The following PLXNA4 variants were observed in gnomAD, a reference collection of about 807,000 sequenced individuals.
PLXNA4 encodes plexin A4.
In PLXNA4, 44 loss-of-function variants were observed where a neutral mutation model predicts 191.8. The ratio of observed to expected loss-of-function variants is 0.23; its 90% CI spans 0.18 to 0.29. The LOEUF (loss-of-function observed/expected upper bound fraction) is 0.29, where lower values mean the gene tolerates loss of function less well. Among genes scored for constraint, PLXNA4 ranks in the 10% least tolerant of loss-of-function variants. The pLI, the probability that PLXNA4 is intolerant of heterozygous loss-of-function variation, is 1.00. For missense variants in PLXNA4, 1,800 were observed against 2,488.8 expected (o/e 0.72, Z 5.89); for synonymous variants, 1,082 against 1,009.5 (o/e 1.07, Z -1.36).
At chr7:132,152,761 T>C (rs919302900) in intron 25 of PLXNA4, among the ~76,000 whole-genome samples, 3 of 152,176 alleles carry the variant, frequency 2.0e-5, no homozygotes, top group Admixed American at 6.5e-5. Flanking sequence ...AGGCATCAAA[T>C]GCTATGAGAT....
chr7:132,549,058 T>G lies in PLXNA4; in HGVS notation c.-87+27364A>C, dbSNP rs182390640. Among the ~76,000 whole-genome samples, 28 of 152,300 alleles carry G rather than the reference T, an allele frequency of 1.8e-4. 1 individual carries two copies. The East Asian group carries it at 5.0e-3, about 27-fold the overall frequency. ...TCAGTTCTGGGAAATCTCTGCCCCT[T>G]TTCTGGAAATCTCATGAATAATCCA... On this transcript the variant is annotated intron_variant, in intron 1 of 31. Coordinates refer to ENST00000321063, the MANE Select transcript of PLXNA4 (RefSeq NM_020911.2).
chr7:132,411,211 T>C (rs1169944515), intron 3 of PLXNA4, among the ~76,000 whole-genome samples: 1 of 152,216 alleles, frequency 6.6e-6, no homozygotes, highest in Non-Finnish European at 1.5e-5. Flanking sequence ...ATCTCTTCCC[T>C]CACTGCAGAT....
At chr7:132,380,184 A>C (rs10240056) in intron 3 of PLXNA4, among the ~76,000 whole-genome samples, 11 of 152,136 alleles carry the variant, frequency 7.2e-5, no homozygotes, top group African/African-American at 2.2e-4. Flanking sequence ...TAATGAATCA[A>C]AATACCAAAG....
intron 27 of PLXNA4, among the ~76,000 whole-genome samples, chr7:132,146,949 C>T (rs193211682): frequency 1.2e-3 from 177 of 152,336 alleles, no homozygotes; most frequent in South Asian, 2.1e-3. Context: ...TACTCTGCAT[C>T]GTGTCAACCC....
chr7:132,611,065 G>A (rs1160952516), intron 2 of PLXNA4, among the ~76,000 whole-genome samples: 1 of 152,120 alleles, frequency 6.6e-6, no homozygotes, highest in Non-Finnish European at 1.5e-5. Flanking sequence ...ACTGGCAAGT[G>A]AGCCAGTCCC....
chr7:132,429,090 T>G (rs1795166580), intron 3 of PLXNA4, among the ~76,000 whole-genome samples: 1 of 152,124 alleles, frequency 6.6e-6, no homozygotes, highest in African/African-American at 2.4e-5. Context: ...CTCTGTGGAA[T>G]AGCCATGTAG....
chr7:132,333,831 C>T (rs1487545189), intron 3 of PLXNA4, among the ~76,000 whole-genome samples: 1 of 152,178 alleles, frequency 6.6e-6, no homozygotes, highest in African/African-American at 2.4e-5. Flanking sequence ...ATAAACACTG[C>T]CAGCAACGCT....
Position 132,157,231 on chromosome 7 carries a change from A to G in PLXNA4, c.4660+2242T>C, listed in dbSNP as rs551728968. ...CGGGTAGCCTTTCTCTGGCTTGTGC[A>G]GCCTCTGGCTGGGGAGACCAGCCAC... On this transcript the variant is annotated intron_variant, in intron 25 of 31. Coordinates refer to ENST00000321063, the MANE Select transcript of PLXNA4 (RefSeq NM_020911.2). Among the ~76,000 whole-genome samples the G allele has an allele frequency of 3.9e-5, 6 of 152,322 alleles. No individual in the cohort carries two copies. In the East Asian group the frequency reaches 9.6e-4, roughly 24 times the overall value.
intron 3 of PLXNA4, among the ~76,000 whole-genome samples, chr7:132,300,547 G>A (rs545749609): frequency 6.6e-6 from 1 of 152,332 alleles, no homozygotes; most frequent in Non-Finnish European, 1.5e-5. Context: ...GTCAAAAATG[G>A]AAATGCCTCT....
At chr7:132,164,003 C>G in intron 24 of PLXNA4, 139 bp downstream of exon 24, 2 of 1,365,600 alleles carry the variant, frequency 1.5e-6, no homozygotes, top group Non-Finnish European at 2.0e-6. Context: ...ACAGCGGGAG[C>G]ACCTGGCTGG....
At chr7:132,564,373 TCTCCTC>T (rs112244070) in intron 1 of PLXNA4, among the ~76,000 whole-genome samples, 7 of 107,276 alleles carry the variant, frequency 6.5e-5, no homozygotes, top group South Asian at 3.4e-4. Flanking sequence ...TCCTCCTCCT[TCTCCTC>T]CTCCTCCTCC....
intron 3 of PLXNA4, among the ~76,000 whole-genome samples, chr7:132,423,110 G>A (rs966216105): frequency 2.0e-5 from 3 of 152,194 alleles, no homozygotes; most frequent in Non-Finnish European, 4.4e-5. Context: ...ATCCTCTCCA[G>A]CCTCCTCCTG....
chr7:132,289,363 C>T lies in PLXNA4; in HGVS notation c.1503+8728G>A, dbSNP rs111516634. 6.6e-3 allele frequency among the ~76,000 whole-genome samples: 1,005 copies of T among 152,240 alleles called. 9 individuals carry two copies. Among genetic ancestry groups the T allele is most frequent in the African/African-American group, 0.023 (947 of 41,528 alleles). On this transcript the variant is annotated intron_variant, in intron 4 of 31. Coordinates refer to ENST00000321063, the MANE Select transcript of PLXNA4 (RefSeq NM_020911.2). Reference sequence around the variant, plus strand: ...TTCTGGAGTGTTTATCACCTGCTAACCTAGTCTCTGATTTATTTCTTAGGT... The same window carrying T: ...TTCTGGAGTGTTTATCACCTGCTAATCTAGTCTCTGATTTATTTCTTAGGT...
intron 31 of PLXNA4, among the ~76,000 whole-genome samples, chr7:132,132,415 C>CTGTTCTGT (rs1554447432): frequency 4.7e-4 from 22 of 46,708 alleles, no homozygotes; most frequent in African/African-American, 1.9e-3. Flanking sequence ...CTGTTCTGTT[C>CTGTTCTGT]TGTTCTGTTC....
intron 3 of PLXNA4, among the ~76,000 whole-genome samples, chr7:132,388,538 A>G (rs1026903261): frequency 3.3e-5 from 5 of 151,542 alleles, no homozygotes; most frequent in African/African-American, 9.7e-5. Flanking sequence ...TTTGGTTCAG[A>G]AAAAAAAAGG....
At chr7:132,354,283 T>C (rs1047739440) in intron 3 of PLXNA4, among the ~76,000 whole-genome samples, 1 of 152,210 alleles carries the variant, frequency 6.6e-6, no homozygotes, top group East Asian at 1.9e-4. Context: ...CATGTATCCC[T>C]GTGAACTCAC....
chr7:132,331,014 C>T (rs768293811), intron 3 of PLXNA4, among the ~76,000 whole-genome samples: 4 of 152,040 alleles, frequency 2.6e-5, no homozygotes, highest in Admixed American at 2.0e-4. Flanking sequence ...AGGCTCCATT[C>T]GTGTCAAGAC....
chr7:132,364,656 A>T (rs1804082842), intron 3 of PLXNA4, among the ~76,000 whole-genome samples: 1 of 152,174 alleles, frequency 6.6e-6, no homozygotes, highest in African/African-American at 2.4e-5. Flanking sequence ...AACTATCAGG[A>T]ATTTTCCTTA....
At chr7:132,415,782 A>C (rs1376398516) in intron 3 of PLXNA4, among the ~76,000 whole-genome samples, 3 of 152,212 alleles carry the variant, frequency 2.0e-5, no homozygotes, top group African/African-American at 7.2e-5. Context: ...GAGGAAACTG[A>C]GGTCTGGATA....
Sources: gnomAD v4.1 joint callset for allele counts (sites outside exome capture counted in the v4.1 genomes callset) on GRCh38, gnomAD v4.1.1 for gene constraint, MANE v1.5 for transcripts, NCBI Gene and HGNC (gene_info 2026-07-23, HGNC 2026-07-21) for gene names.